MACROD2: variants seen among roughly 807,000 people sequenced by gnomAD.
MACROD2 encodes ADP-ribose glycohydrolase MACROD2.
MACROD2 carries 36 observed loss-of-function variants against 70.4 expected under a neutral mutation model. The ratio of observed to expected loss-of-function variants is 0.51; its 90% CI spans 0.39 to 0.68. The LOEUF (loss-of-function observed/expected upper bound fraction) is 0.68. MACROD2 is among the 30% of genes least tolerant of loss of function. MACROD2 has a pLI of 0.00. For missense variants in MACROD2, 496 were observed against 538.4 expected (o/e 0.92, Z 0.78); for synonymous variants, 172 against 178.8 (o/e 0.96, Z 0.30).
intron 5 of MACROD2, among the ~76,000 whole-genome samples, chr20:14,806,465 G>T (rs888436649): frequency 6.6e-6 from 1 of 151,994 alleles, no homozygotes; most frequent in African/African-American, 2.4e-5. Flanking sequence ...ATTACCTCAG[G>T]TGCCTATACC....
intron 5 of MACROD2, among the ~76,000 whole-genome samples, chr20:15,123,090 TA>T (rs1234382614): frequency 2.0e-5 from 3 of 152,178 alleles, no homozygotes; most frequent in Admixed American, 6.5e-5. Context: ...TAGCGATAAC[TA>T]CTTTTTTAGT....
At chr20:14,308,077 G>T (rs1409700969) in intron 3 of MACROD2, among the ~76,000 whole-genome samples, 1 of 152,078 alleles carries the variant, frequency 6.6e-6, no homozygotes, top group Non-Finnish European at 1.5e-5. Context: ...GCTATATACT[G>T]CTTAGAAAGA....
intron 8 of MACROD2, among the ~76,000 whole-genome samples, chr20:15,631,966 C>A (rs1415681097): frequency 6.6e-6 from 1 of 151,976 alleles, no homozygotes; most frequent in Non-Finnish European, 1.5e-5. Context: ...AGTGAAACCC[C>A]GTCTCTACTA....
chr20:14,903,992 A>G (rs1320083309), intron 5 of MACROD2, among the ~76,000 whole-genome samples: 1 of 152,212 alleles, frequency 6.6e-6, no homozygotes, highest in East Asian at 1.9e-4. Context: ...GTATAGTCCA[A>G]CTGAGTGCCC....
chr20:15,508,463 T>C (rs1209370936), intron 8 of MACROD2, among the ~76,000 whole-genome samples: 1 of 152,174 alleles, frequency 6.6e-6, no homozygotes, highest in Non-Finnish European at 1.5e-5. Context: ...TCAATATTTA[T>C]CTGACTCCTG....
chr20:14,230,137 G>A (rs1164447234), intron 3 of MACROD2, among the ~76,000 whole-genome samples: 1 of 152,132 alleles, frequency 6.6e-6, no homozygotes, highest in Non-Finnish European at 1.5e-5. Context: ...TGTTGATCAG[G>A]GTGATGGTTG....
chr20:14,879,026 A>G (rs1243933935), intron 5 of MACROD2, among the ~76,000 whole-genome samples: 1 of 152,050 alleles, frequency 6.6e-6, no homozygotes, highest in African/African-American at 2.4e-5. Context: ...TCTGATTATC[A>G]CATAACACTA....
At chr20:14,499,181 G>C (rs1290399706) in intron 4 of MACROD2, among the ~76,000 whole-genome samples, 1 of 152,158 alleles carries the variant, frequency 6.6e-6, no homozygotes, top group Non-Finnish European at 1.5e-5. Context: ...ACTCAGGCAG[G>C]GAGCAGAGAT....
chr20:14,597,691 T>C (rs1982233076), intron 4 of MACROD2, among the ~76,000 whole-genome samples: 1 of 152,146 alleles, frequency 6.6e-6, no homozygotes. Context: ...TCAACTTGCC[T>C]TTTACCTCAT....
At chr20:14,758,076 G>T in intron 5 of MACROD2, 1 of 526,400 alleles carries the variant, frequency 1.9e-6, no homozygotes, top group Non-Finnish European at 3.4e-6. Flanking sequence ...GGGTTATTTT[G>T]CATTGTATAA....
chr20:15,315,312 T>C (rs1460368146), intron 6 of MACROD2, among the ~76,000 whole-genome samples: 1 of 152,130 alleles, frequency 6.6e-6, no homozygotes, highest in Non-Finnish European at 1.5e-5. Context: ...TCTCCATATT[T>C]GGTAAGATGT....
intron 8 of MACROD2, among the ~76,000 whole-genome samples, chr20:15,562,291 T>A (rs1206322925): frequency 6.6e-6 from 1 of 152,110 alleles, no homozygotes; most frequent in Non-Finnish European, 1.5e-5. Flanking sequence ...CCTAACCCTT[T>A]TGTGATGTGG....
intron 4 of MACROD2, among the ~76,000 whole-genome samples, chr20:14,588,090 A>G (rs917938309): frequency 6.6e-6 from 1 of 152,156 alleles, no homozygotes; most frequent in Middle Eastern, 3.2e-3. Context: ...ATCTATGTAT[A>G]TGTTTAGGAA....
chr20:14,924,543 G>A (rs2074205518), intron 5 of MACROD2, among the ~76,000 whole-genome samples: 1 of 152,092 alleles, frequency 6.6e-6, no homozygotes, highest in Admixed American at 6.6e-5. Flanking sequence ...AAGATGATGC[G>A]ATTTTGAACT....
chr20:15,948,881 G>C (rs2065866507), intron 12 of MACROD2, among the ~76,000 whole-genome samples: 1 of 152,096 alleles, frequency 6.6e-6, no homozygotes, highest in Non-Finnish European at 1.5e-5. Context: ...TTGTGAATAA[G>C]ACTTGTAAAC....
chr20:14,800,536 T>G (rs912340232), intron 5 of MACROD2, among the ~76,000 whole-genome samples: 1 of 152,098 alleles, frequency 6.6e-6, no homozygotes, highest in Non-Finnish European at 1.5e-5. Context: ...CTGATGAGAG[T>G]AGGTTGCCCA....
At chr20:15,037,859 T>C (rs1346258861) in intron 5 of MACROD2, among the ~76,000 whole-genome samples, 4 of 152,148 alleles carry the variant, frequency 2.6e-5, no homozygotes, top group Non-Finnish European at 5.9e-5. Context: ...TAAGGGCTAC[T>C]GTTCTATAGC....
At chr20:14,372,283 G>T (rs554826046) in intron 3 of MACROD2, among the ~76,000 whole-genome samples, 51 of 151,832 alleles carry the variant, frequency 3.4e-4, no homozygotes, top group Admixed American at 3.3e-3. Flanking sequence ...TCTTAATTAG[G>T]AACATTAATA....
At chr20:15,246,386 G>C (rs1469764048) in intron 6 of MACROD2, among the ~76,000 whole-genome samples, 1 of 152,164 alleles carries the variant, frequency 6.6e-6, no homozygotes, top group African/African-American at 2.4e-5. Flanking sequence ...ACAACACTCT[G>C]ATGTTGATGT....
Sources: allele counts gnomAD v4.1 joint callset (sites outside exome capture counted in the v4.1 genomes callset), GRCh38; gene constraint gnomAD v4.1.1; transcripts MANE v1.5; gene names NCBI Gene and HGNC (gene_info 2026-07-23, HGNC 2026-07-21).